ASPRV1: variants seen among roughly 807,000 people sequenced by gnomAD.
ASPRV1 encodes aspartic peptidase retroviral like 1, also known as retroviral-like aspartic protease 1.
A neutral mutation model predicts 11.0 loss-of-function variants in ASPRV1; 7 were observed. That is an observed-to-expected ratio of 0.64 (90% CI 0.36 to 1.20). The LOEUF is 1.20. ASPRV1 is among the 50% of genes most tolerant of loss of function. The pLI is 0.02. For missense variants in ASPRV1, 299 were observed against 320.0 expected (o/e 0.93, Z 0.50); for synonymous variants, 136 against 138.4 (o/e 0.98, Z 0.12).
chr2:70,056,619 A>AAAG, the ASPRV1 span: 1 of 150,990 alleles, frequency 6.6e-6, no homozygotes, highest in African/African-American at 2.4e-5. Context: ...AAAAAAAAAA[A>AAAG]AAAAAAGTGG....
At chr2:70,074,602 A>C in the ASPRV1 span, among the ~76,000 whole-genome samples, 1 of 151,750 alleles carries the variant, frequency 6.6e-6, no homozygotes. Flanking sequence ...ATGAATAAGG[A>C]CCATAAAACT....
At chr2:70,014,163 T>C in the ASPRV1 span, among the ~76,000 whole-genome samples, 7 of 152,180 alleles carry the variant, frequency 4.6e-5, no homozygotes, top group Admixed American at 1.3e-4. Context: ...AATAGATATA[T>C]TGGACCTCAT....
At chr2:70,018,989 T>C in the ASPRV1 span, 1 of 152,198 alleles carries the variant, frequency 6.6e-6, no homozygotes. Context: ...AGTGAGAGAA[T>C]ACATTTGCAA....
the ASPRV1 span, among the ~76,000 whole-genome samples, chr2:70,043,826 G>C: frequency 6.6e-6 from 1 of 152,182 alleles, no homozygotes; most frequent in Non-Finnish European, 1.5e-5. Context: ...ATAGCTGTCA[G>C]CTGCTCTCCA....
At chr2:70,013,067 G>T in the ASPRV1 span, among the ~76,000 whole-genome samples, 2 of 152,234 alleles carry the variant, frequency 1.3e-5, no homozygotes, top group Admixed American at 6.5e-5. Context: ...GATGAAATCA[G>T]TGGTAACACT....
chr2:70,039,912 C>G, the ASPRV1 span, among the ~76,000 whole-genome samples: 1 of 152,270 alleles, frequency 6.6e-6, no homozygotes. Context: ...AATGCAAAAG[C>G]ATGTTAACAA....
chr2:69,990,332 C>T, the ASPRV1 span, among the ~76,000 whole-genome samples: 4 of 151,938 alleles, frequency 2.6e-5, no homozygotes, highest in Non-Finnish European at 4.4e-5. Flanking sequence ...TACAGGCCCC[C>T]GCCACCATGT....
the ASPRV1 span, chr2:69,937,999 T>G: frequency 2.6e-6 from 3 of 1,151,044 alleles, no homozygotes; most frequent in Non-Finnish European, 2.5e-6. Context: ...CACCCGCCTT[T>G]GCCTCCCAAA....
chr2:69,977,062 C>T, the ASPRV1 span, among the ~76,000 whole-genome samples: 35 of 152,036 alleles, frequency 2.3e-4, no homozygotes, highest in East Asian at 9.7e-4. Context: ...CATGGTGGCG[C>T]GCACCTGTAG....
At chr2:70,085,897 AG>A in the ASPRV1 span, 3 of 152,274 alleles carry the variant, frequency 2.0e-5, no homozygotes, top group African/African-American at 2.4e-5. Context: ...AGCCCATGCT[AG>A]GAAGTCTAGA....
downstream of ASPRV1, among the ~76,000 whole-genome samples, chr2:69,956,222 T>C (rs940730393): frequency 1.3e-5 from 2 of 151,934 alleles, no homozygotes; most frequent in Admixed American, 1.3e-4. Flanking sequence ...AAAATAAGAA[T>C]CTCTAAGTCC....
chr2:70,077,084 C>T, the ASPRV1 span, among the ~76,000 whole-genome samples: 1 of 152,208 alleles, frequency 6.6e-6, no homozygotes, highest in Non-Finnish European at 1.5e-5. Context: ...ATGCTCCTCA[C>T]TCCTACTACA....
chr2:70,034,006 T>C, the ASPRV1 span, among the ~76,000 whole-genome samples: 6 of 151,228 alleles, frequency 4.0e-5, no homozygotes, highest in Non-Finnish European at 1.5e-5. Context: ...TACAAAAAAT[T>C]AGCCGGGCGA....
At chr2:70,026,781 C>G in the ASPRV1 span, among the ~76,000 whole-genome samples, 1 of 151,992 alleles carries the variant, frequency 6.6e-6, no homozygotes, top group Non-Finnish European at 1.5e-5. Flanking sequence ...TTACCCAAAG[C>G]AATCTACAGA....
the ASPRV1 span, among the ~76,000 whole-genome samples, chr2:70,024,304 T>C: frequency 6.6e-6 from 1 of 152,150 alleles, no homozygotes. Context: ...TATACTAGGA[T>C]CTCCTCATAA....
the ASPRV1 span, among the ~76,000 whole-genome samples, chr2:69,994,961 C>T: frequency 2.1e-4 from 32 of 151,672 alleles, no homozygotes; most frequent in African/African-American, 7.0e-4. Context: ...GAGATCGCGC[C>T]GCTGCACTCC....
the ASPRV1 span, among the ~76,000 whole-genome samples, chr2:70,055,194 T>C: frequency 6.6e-6 from 1 of 151,982 alleles, no homozygotes; most frequent in African/African-American, 2.4e-5. Flanking sequence ...TCCCAGCTAC[T>C]CAGGAGGGCT....
chr2:69,969,598 C>T, the ASPRV1 span, among the ~76,000 whole-genome samples: 1 of 152,126 alleles, frequency 6.6e-6, no homozygotes, highest in Admixed American at 6.5e-5. Flanking sequence ...CCTCATTCCA[C>T]ACACTCTCCA....
At chr2:70,024,079 C>T in the ASPRV1 span, among the ~76,000 whole-genome samples, 4,281 of 144,678 alleles carry the variant, frequency 0.03, 100 homozygotes, top group Admixed American at 0.043. Context: ...AGCAAAATCC[C>T]GTCACTATTA....
Sources: gnomAD v4.1 joint callset for allele counts (sites outside exome capture counted in the v4.1 genomes callset) on GRCh38, gnomAD v4.1.1 for gene constraint, MANE v1.5 for transcripts, NCBI Gene and HGNC (gene_info 2026-07-23, HGNC 2026-07-21) for gene names.